TAOK1: variants seen among roughly 807,000 people sequenced by gnomAD.
The protein encoded by TAOK1 is serine/threonine-protein kinase TAO1.
TAOK1 carries 21 observed loss-of-function variants against 138.3 expected under a neutral mutation model. That is an observed-to-expected ratio of 0.15 (90% CI 0.11 to 0.22). The LOEUF (loss-of-function observed/expected upper bound fraction) is 0.22, where lower values mean the gene tolerates loss of function less well. Among genes scored for constraint, TAOK1 ranks in the 10% least tolerant of loss-of-function variants. The pLI is 1.00. For missense variants in TAOK1, 651 were observed against 1,227.7 expected, an observed-to-expected ratio of 0.53 and a Z score of 7.02; for synonymous variants, 361 against 398.4, an observed-to-expected ratio of 0.91 and a Z score of 1.12.
chr17:29,395,955 A>G (rs1459927570), intron 1 of TAOK1, among the ~76,000 whole-genome samples: 1 of 149,672 alleles, frequency 6.7e-6, no homozygotes, highest in Non-Finnish European at 1.5e-5. Flanking sequence ...GACATGAGCC[A>G]CTGCACCCGG....
intron 15 of TAOK1, 142 bp from the exon 16 acceptor site, chr17:29,517,311 A>G (rs969673295): frequency 2.9e-6 from 2 of 695,344 alleles, no homozygotes; most frequent in Non-Finnish European, 4.8e-6. Flanking sequence ...TAGTAGAGAC[A>G]GTTTCGCCAT....
intron 1 of TAOK1, among the ~76,000 whole-genome samples, chr17:29,393,724 T>C (rs1215200033): frequency 6.6e-6 from 1 of 152,214 alleles, no homozygotes; most frequent in East Asian, 1.9e-4. Context: ...ATAATTCTCA[T>C]GTTTTATAGG....
intron 12 of TAOK1, among the ~76,000 whole-genome samples, chr17:29,500,434 G>A (rs768195381): frequency 2.0e-5 from 3 of 152,064 alleles, no homozygotes; most frequent in Admixed American, 6.5e-5. Flanking sequence ...ATTCATCAAC[G>A]GATGTATTAA....
chr17:29,433,424 CAAAAAA>C (rs35805615), intron 1 of TAOK1, among the ~76,000 whole-genome samples: 1 of 91,524 alleles, frequency 1.1e-5, no homozygotes, highest in Non-Finnish European at 2.2e-5. Context: ...GACTCTGTCT[CAAAAAA>C]AAAAAAAAAA....
intron 8 of TAOK1, among the ~76,000 whole-genome samples, chr17:29,488,692 T>C (rs961693647): frequency 1.3e-5 from 2 of 152,048 alleles, no homozygotes; most frequent in African/African-American, 4.8e-5. Flanking sequence ...TGGTTCAGTC[T>C]GTGGATGCAG....
chr17:29,487,318 A>G (rs1264157443), intron 8 of TAOK1, among the ~76,000 whole-genome samples: 1 of 152,020 alleles, frequency 6.6e-6, no homozygotes, highest in Non-Finnish European at 1.5e-5. Flanking sequence ...ATTGTCAGAG[A>G]AAGCTAGAAA....
At position 29,509,768 on chromosome 17, in the gene TAOK1, C is replaced by T. The variant is rs951386926; in HGVS notation, c.1576-1096C>T. ...TAAATTAGCTGAGCAGGGTGGCATA[C>T]GCCTTTAGTTCCAGCTACTCAGGAG... On this transcript the variant is annotated intron_variant, in intron 14 of 19. Transcript: ENST00000261716. Among the ~76,000 whole-genome samples the T allele has an allele frequency of 3.3e-5, 5 of 151,546 alleles. No homozygotes were observed. In the South Asian group the frequency reaches 6.3e-4, roughly 19 times the overall value.
At chr17:29,488,661 C>T (rs753603530) in intron 8 of TAOK1, among the ~76,000 whole-genome samples, 1 of 150,952 alleles carries the variant, frequency 6.6e-6, no homozygotes, top group Non-Finnish European at 1.5e-5. Flanking sequence ...TATTTTCAGT[C>T]TATGGTTGAA....
At chr17:29,450,203 C>G (rs1399052160) in intron 1 of TAOK1, among the ~76,000 whole-genome samples, 1 of 151,776 alleles carries the variant, frequency 6.6e-6, no homozygotes, top group Admixed American at 6.6e-5. Context: ...CCTCCCACCT[C>G]AGTCTCCCAA....
intron 19 of TAOK1, among the ~76,000 whole-genome samples, chr17:29,538,388 G>C (rs1204270275): frequency 1.3e-5 from 2 of 152,062 alleles, no homozygotes; most frequent in Admixed American, 1.3e-4. Context: ...AAGAGTAAAA[G>C]AACAATAGGA....
chr17:29,427,925 C>CAAA (rs34918500), intron 1 of TAOK1, among the ~76,000 whole-genome samples: 1 of 115,010 alleles, frequency 8.7e-6, no homozygotes, highest in Non-Finnish European at 1.9e-5. Flanking sequence ...GACTCTGTCT[C>CAAA]AAAAAAAAAA....
At chr17:29,471,192 G>C (rs901677745) in intron 3 of TAOK1, among the ~76,000 whole-genome samples, 1 of 150,106 alleles carries the variant, frequency 6.7e-6, no homozygotes, top group Non-Finnish European at 1.5e-5. Flanking sequence ...ATGCTATACT[G>C]TAGTACCGTA....
intron 2 of TAOK1, among the ~76,000 whole-genome samples, chr17:29,458,982 C>T (rs902080240): frequency 3.3e-5 from 5 of 151,874 alleles, no homozygotes; most frequent in African/African-American, 1.2e-4. Context: ...GGCCTCCCAA[C>T]GTGCTGAGAT....
chr17:29,537,481 C>T (rs1268105922), intron 19 of TAOK1, among the ~76,000 whole-genome samples: 3 of 150,312 alleles, frequency 2.0e-5, no homozygotes, highest in African/African-American at 7.4e-5. Context: ...CTCACAACTA[C>T]AGGCATGCAC....
chr17:29,419,492 A>ATT (rs34608877), intron 1 of TAOK1, among the ~76,000 whole-genome samples: 1,918 of 137,724 alleles, frequency 0.014, 49 homozygotes, highest in African/African-American at 0.04. Context: ...GCCCGGCAGT[A>ATT]TTTTTTTTTT....
chr17:29,420,045 A>AT (rs879576966), intron 1 of TAOK1, among the ~76,000 whole-genome samples: 253 of 140,228 alleles, frequency 1.8e-3, no homozygotes, highest in Admixed American at 3.3e-3. Flanking sequence ...CACCTGGCTA[A>AT]TTTTTTTTTT....
chr17:29,482,742 A>G (rs185638313), intron 8 of TAOK1, among the ~76,000 whole-genome samples: 1 of 145,588 alleles, frequency 6.9e-6, no homozygotes, highest in Admixed American at 6.9e-5. Flanking sequence ...ATATATACAT[A>G]TTTTTTTTTT....
intron 1 of TAOK1, among the ~76,000 whole-genome samples, chr17:29,430,052 A>T (rs763847176): frequency 9.9e-5 from 15 of 152,202 alleles, no homozygotes; most frequent in Non-Finnish European, 1.5e-4. Context: ...TTTGAATCAA[A>T]AAGATAAAAA....
Position 29,544,149 on chromosome 17 carries a change from T to G in TAOK1, c.*1127T>G, listed in dbSNP as rs2150780393. ...TCGTCACACTACATAGACATAATTG[T>G]TATCTCCTTTTGGCTTATGTGATTT... is the stretch of plus-strand genomic sequence containing the variant. On this transcript the variant is annotated 3_prime_UTR_variant, in exon 20 of 20. Coordinates refer to ENST00000261716, the MANE Select transcript of TAOK1 (RefSeq NM_020791.4). 1 of 152,776 alleles carries G rather than the reference T, an allele frequency of 6.5e-6. No individual in the cohort carries two copies. Among genetic ancestry groups the G allele is most frequent in the Non-Finnish European group, 1.5e-5 (1 of 68,032 alleles). 9.5% of individuals were successfully genotyped at this position (152,776 alleles called of 1,614,324 possible). A position where few individuals can be genotyped will look rare whatever the true frequency, so the allele number is the denominator to read the frequency against.
Sources: allele counts gnomAD v4.1 joint callset (sites outside exome capture counted in the v4.1 genomes callset), GRCh38; gene constraint gnomAD v4.1.1; transcripts MANE v1.5; gene names NCBI Gene and HGNC (gene_info 2026-07-23, HGNC 2026-07-21).